The following DYNC1I1 variants were observed in gnomAD, a reference collection of about 807,000 sequenced individuals.
DYNC1I1 encodes dynein cytoplasmic 1 intermediate chain 1, also known as cytoplasmic dynein 1 intermediate chain 1.
Under a neutral mutation model 86.6 loss-of-function variants are expected in DYNC1I1, and 43 were observed. The ratio of observed to expected loss-of-function variants is 0.50; its 90% CI spans 0.39 to 0.64. The LOEUF is 0.64. DYNC1I1 is among the 30% of genes least tolerant of loss of function. The pLI is 0.00. For missense variants in DYNC1I1, 604 were observed against 788.8 expected (o/e 0.77, Z 2.81); for synonymous variants, 262 against 283.7 (o/e 0.92, Z 0.77).
chr7:96,009,641 C>A lies in DYNC1I1; in HGVS notation c.969+13568C>A, dbSNP rs538491400. On this transcript the variant is annotated intron_variant, in intron 10 of 16. Transcript: ENST00000447467. ...CAGTAGCACCCTTTTGCAAATAGAGCTCTGCAGACCTCTCCCACTGATCTG... is the reference window on the plus strand; with the variant it reads ...CAGTAGCACCCTTTTGCAAATAGAGATCTGCAGACCTCTCCCACTGATCTG... Among the ~76,000 whole-genome samples, 175 of 152,284 alleles carry A rather than the reference C, an allele frequency of 1.1e-3. 2 individuals are homozygous for A. Among genetic ancestry groups the A allele is most frequent in the Non-Finnish European group, 2.0e-3 (138 of 68,018 alleles).
At chr7:96,044,581 A>G (rs994735236) in intron 14 of DYNC1I1, among the ~76,000 whole-genome samples, 1 of 152,178 alleles carries the variant, frequency 6.6e-6, no homozygotes, top group African/African-American at 2.4e-5. Flanking sequence ...TGTTGCCACA[A>G]ATGAATTCAT....
intron 6 of DYNC1I1, among the ~76,000 whole-genome samples, chr7:95,962,647 C>G (rs144605951): frequency 3.3e-5 from 5 of 152,232 alleles, no homozygotes; most frequent in Non-Finnish European, 7.4e-5. Context: ...CACAACAATT[C>G]TGTTATGTAA....
chr7:95,804,455 GC>G, intron 1 of DYNC1I1: 1 of 1,088,370 alleles, frequency 9.2e-7, no homozygotes. Flanking sequence ...TCTGGAAGTT[GC>G]GATTCTTGCT....
intron 13 of DYNC1I1, among the ~76,000 whole-genome samples, chr7:96,038,997 A>G (rs1048261978): frequency 2.0e-5 from 3 of 152,222 alleles, no homozygotes; most frequent in African/African-American, 4.8e-5. Context: ...GGCTTTGAGG[A>G]ATTCTGCAAA....
intron 7 of DYNC1I1, among the ~76,000 whole-genome samples, chr7:95,978,250 T>C (rs957076440): frequency 6.6e-6 from 1 of 152,204 alleles, no homozygotes; most frequent in African/African-American, 2.4e-5. Context: ...TCTAAAACTT[T>C]ATCCAAGGAT....
chr7:95,867,535 C>T (rs776535358), intron 5 of DYNC1I1, among the ~76,000 whole-genome samples: 10 of 152,318 alleles, frequency 6.6e-5, no homozygotes, highest in East Asian at 1.9e-4. Context: ...GGTTTCAGTC[C>T]GCCATGGTGG....
chr7:95,819,999 G>A (rs902914214), intron 4 of DYNC1I1, among the ~76,000 whole-genome samples: 2 of 152,152 alleles, frequency 1.3e-5, no homozygotes, highest in African/African-American at 4.8e-5. Context: ...ACATGCTCTT[G>A]TTCTATGATG....
intron 10 of DYNC1I1, among the ~76,000 whole-genome samples, chr7:96,027,186 G>A (rs892038157): frequency 6.6e-6 from 1 of 152,168 alleles, no homozygotes; most frequent in African/African-American, 2.4e-5. Flanking sequence ...TGAGGGCAGT[G>A]ACTACCCTTT....
intron 1 of DYNC1I1, among the ~76,000 whole-genome samples, chr7:95,785,812 TA>T (rs1349359555): frequency 1.6e-5 from 2 of 125,928 alleles, no homozygotes; most frequent in Non-Finnish European, 3.2e-5. Flanking sequence ...TATATATATA[TA>T]TATATTATAT....
chr7:95,846,244 G>A (rs1026784885), intron 5 of DYNC1I1, among the ~76,000 whole-genome samples: 2 of 152,054 alleles, frequency 1.3e-5, no homozygotes, highest in African/African-American at 4.8e-5. Context: ...TTTGTAAAGT[G>A]AGCCCTTAAT....
At chr7:95,988,835 A>T (rs1793660402) in intron 9 of DYNC1I1, among the ~76,000 whole-genome samples, 1 of 152,202 alleles carries the variant, frequency 6.6e-6, no homozygotes, top group African/African-American at 2.4e-5. Context: ...TTTCCCCCTC[A>T]CAACAATCAT....
chr7:95,799,906 G>A (rs774171586), intron 1 of DYNC1I1, among the ~76,000 whole-genome samples: 1 of 151,846 alleles, frequency 6.6e-6, no homozygotes, highest in African/African-American at 2.4e-5. Context: ...GGTGATGTGG[G>A]CAAGAGTGGG....
chr7:95,984,598 G>A (rs991648099), intron 7 of DYNC1I1, among the ~76,000 whole-genome samples: 2 of 151,988 alleles, frequency 1.3e-5, no homozygotes, highest in Non-Finnish European at 2.9e-5. Flanking sequence ...ATAATAATTA[G>A]ACCAAATATG....
At chr7:95,789,892 ATG>A (rs764670207) in intron 1 of DYNC1I1, among the ~76,000 whole-genome samples, 2 of 152,328 alleles carry the variant, frequency 1.3e-5, no homozygotes, top group Non-Finnish European at 2.9e-5. Context: ...AAATGTATGT[ATG>A]TGTGTCCAAA....
chr7:96,082,806 G>A (rs1790563627), intron 16 of DYNC1I1, among the ~76,000 whole-genome samples: 1 of 152,138 alleles, frequency 6.6e-6, no homozygotes, highest in Non-Finnish European at 1.5e-5. Flanking sequence ...TACTTTGGCT[G>A]ATATGTGGCT....
At chr7:95,862,951 T>C (rs1260177994) in intron 5 of DYNC1I1, among the ~76,000 whole-genome samples, 2 of 152,252 alleles carry the variant, frequency 1.3e-5, no homozygotes, top group African/African-American at 2.4e-5. Flanking sequence ...TTATACTGTA[T>C]TTTTAAAAAT....
intron 14 of DYNC1I1, among the ~76,000 whole-genome samples, chr7:96,069,623 G>C (rs1161518779): frequency 6.6e-6 from 1 of 152,210 alleles, no homozygotes; most frequent in Non-Finnish European, 1.5e-5. Context: ...AATCATGCCA[G>C]TGTGGGAAAC....
At chr7:96,039,511 T>C in intron 14 of DYNC1I1, 90 bp downstream of exon 14, 1 of 1,545,146 alleles carries the variant, frequency 6.5e-7, no homozygotes, top group South Asian at 1.1e-5. Context: ...CTAAAGCCTC[T>C]TCCAGGCAAC....
intron 1 of DYNC1I1, among the ~76,000 whole-genome samples, chr7:95,796,561 A>G (rs1261759125): frequency 1.3e-5 from 2 of 152,028 alleles, no homozygotes; most frequent in Non-Finnish European, 2.9e-5. Flanking sequence ...TCTCCCAGGT[A>G]TTTTTAAATC....
Sources: gnomAD v4.1 joint callset for allele counts (sites outside exome capture counted in the v4.1 genomes callset) on GRCh38, gnomAD v4.1.1 for gene constraint, MANE v1.5 for transcripts, NCBI Gene and HGNC (gene_info 2026-07-23, HGNC 2026-07-21) for gene names.